CCSER1: variants seen among roughly 807,000 people sequenced by gnomAD.
CCSER1 encodes coiled-coil serine rich protein 1, also known as serine-rich coiled-coil domain-containing protein 1.
CCSER1 carries 41 observed loss-of-function variants against 82.0 expected under a neutral mutation model. The observed-to-expected ratio is 0.50, with a 90% CI of 0.39 to 0.65. CCSER1 has a LOEUF of 0.65. Ranked by LOEUF, CCSER1 falls within the 30% of genes least tolerant of loss-of-function variation. The pLI, the probability that CCSER1 is intolerant of heterozygous loss-of-function variation, is 0.00. For synonymous variants in CCSER1, 414 were observed against 383.9 expected (o/e 1.08, Z -0.92); for missense variants, 1,119 against 1,064.2 (o/e 1.05, Z -0.72).
chr4:90,666,471 T>G (rs1731804577), intron 6 of CCSER1, among the ~76,000 whole-genome samples: 1 of 152,126 alleles, frequency 6.6e-6, no homozygotes, highest in Admixed American at 6.5e-5. Flanking sequence ...CAAAAATGGT[T>G]GTGGTGAAGA....
chr4:90,445,320 G>C (rs1454488463), intron 4 of CCSER1, among the ~76,000 whole-genome samples: 1 of 152,064 alleles, frequency 6.6e-6, no homozygotes, highest in African/African-American at 2.4e-5. Context: ...TCGCTTCAAA[G>C]AGTGATACTT....
intron 10 of CCSER1, among the ~76,000 whole-genome samples, chr4:91,241,768 T>A (rs1265908356): frequency 6.6e-6 from 1 of 151,302 alleles, no homozygotes; most frequent in Non-Finnish European, 1.5e-5. Context: ...ATTTACATTT[T>A]GTAAAATAAG....
At chr4:90,879,559 G>GAAGA (rs1384981392) in intron 8 of CCSER1, among the ~76,000 whole-genome samples, 2 of 90,844 alleles carry the variant, frequency 2.2e-5, no homozygotes. Flanking sequence ...AGAAGAGGAA[G>GAAGA]AAGAAGAAGA....
chr4:90,922,433 G>C (rs1023855150), intron 8 of CCSER1, among the ~76,000 whole-genome samples: 1 of 151,960 alleles, frequency 6.6e-6, no homozygotes, highest in Non-Finnish European at 1.5e-5. Flanking sequence ...TTAAATCACA[G>C]TCCTTTATCG....
At chr4:90,188,325 G>A (rs1734995389) in intron 1 of CCSER1, among the ~76,000 whole-genome samples, 1 of 151,718 alleles carries the variant, frequency 6.6e-6, no homozygotes, top group African/African-American at 2.4e-5. Context: ...TATCTTCACT[G>A]TTTTATTATC....
At chr4:91,376,712 G>T (rs1750438807) in intron 10 of CCSER1, among the ~76,000 whole-genome samples, 3 of 152,116 alleles carry the variant, frequency 2.0e-5, no homozygotes, top group Non-Finnish European at 4.4e-5. Flanking sequence ...TTGATGTTGT[G>T]AAGAAAAAGG....
intron 10 of CCSER1, among the ~76,000 whole-genome samples, chr4:91,146,356 G>T (rs1729536224): frequency 6.6e-6 from 1 of 152,034 alleles, no homozygotes; most frequent in Non-Finnish European, 1.5e-5. Flanking sequence ...TCAGCGTTTG[G>T]ATTTCAACAT....
chr4:90,599,865 T>C (rs978250896), intron 5 of CCSER1, among the ~76,000 whole-genome samples: 1 of 152,208 alleles, frequency 6.6e-6, no homozygotes, highest in African/African-American at 2.4e-5. Flanking sequence ...CCTTTGTAAA[T>C]CTTCTTTCAT....
At chr4:91,150,383 G>T (rs775681627) in intron 10 of CCSER1, among the ~76,000 whole-genome samples, 7 of 152,046 alleles carry the variant, frequency 4.6e-5, no homozygotes, top group Non-Finnish European at 8.8e-5. Flanking sequence ...CTTTGGGCTG[G>T]GATGATGGGG....
chr4:90,963,876 G>A (rs1734283416), intron 9 of CCSER1, among the ~76,000 whole-genome samples: 1 of 152,090 alleles, frequency 6.6e-6, no homozygotes, highest in Admixed American at 6.5e-5. Flanking sequence ...ATTTAATAGG[G>A]CTTCAAGAAG....
chr4:90,129,609 G>GA (rs1489813663), intron 1 of CCSER1, among the ~76,000 whole-genome samples: 2 of 152,096 alleles, frequency 1.3e-5, no homozygotes, highest in African/African-American at 4.8e-5. Flanking sequence ...GTTTCACAGA[G>GA]AAAAAAGAGA....
At chr4:91,015,123 A>G (rs1042019488) in intron 9 of CCSER1, among the ~76,000 whole-genome samples, 1 of 152,106 alleles carries the variant, frequency 6.6e-6, no homozygotes, top group Non-Finnish European at 1.5e-5. Context: ...TAGTCTGTGA[A>G]ATACTTCATC....
chr4:90,344,273 T>C lies in CCSER1; in HGVS notation c.1509+31226T>C, dbSNP rs551556498. 1.4e-4 allele frequency among the ~76,000 whole-genome samples: 22 copies of C among 152,338 alleles called. No homozygotes were observed. In the South Asian group the frequency reaches 4.6e-3, roughly 32 times the overall value. On this transcript the variant is annotated intron_variant, in intron 3 of 10. Transcript: ENST00000509176. The stretch of plus-strand genomic sequence containing the variant: ...TCATTGTGTATGTGTACCACATTCA[T>C]TTATTTTTCTGCCTAAATATTCTTG...
intron 10 of CCSER1, among the ~76,000 whole-genome samples, chr4:91,251,267 A>G (rs1018638889): frequency 6.6e-6 from 1 of 152,152 alleles, no homozygotes; most frequent in Non-Finnish European, 1.5e-5. Flanking sequence ...GTTGATTGCC[A>G]CTTTCTTGCT....
intron 9 of CCSER1, among the ~76,000 whole-genome samples, chr4:90,955,660 C>T (rs1733359663): frequency 6.6e-6 from 1 of 152,106 alleles, no homozygotes. Context: ...TTTATATTAT[C>T]TGACTCCTGA....
chr4:91,210,224 T>G (rs1736698641), intron 10 of CCSER1, among the ~76,000 whole-genome samples: 1 of 151,070 alleles, frequency 6.6e-6, no homozygotes, highest in Admixed American at 6.6e-5. Flanking sequence ...TTCAATGGGT[T>G]ATAGTGTTAT....
chr4:90,250,115 T>C lies in CCSER1; in HGVS notation c.-41-58129T>C, dbSNP rs183991919. On this transcript the variant is annotated intron_variant, in intron 1 of 10. Coordinates refer to ENST00000509176, the MANE Select transcript of CCSER1 (RefSeq NM_001145065.2). ...GTTGTATTTTTGAGTTGAGAGGTCCTTAAAATATTATAGATAATTTGTTAT... is the reference window on the plus strand; with the variant it reads ...GTTGTATTTTTGAGTTGAGAGGTCCCTAAAATATTATAGATAATTTGTTAT... Among the ~76,000 whole-genome samples the C allele has an allele frequency of 4.4e-4, 67 of 152,242 alleles. No individual in the cohort carries two copies. The East Asian group carries it at 0.013, about 29-fold the overall frequency.
At chr4:91,373,227 T>C (rs1000185237) in intron 10 of CCSER1, among the ~76,000 whole-genome samples, 1 of 152,140 alleles carries the variant, frequency 6.6e-6, no homozygotes, top group Non-Finnish European at 1.5e-5. Flanking sequence ...TTACAGATGA[T>C]ACAGGATATG....
intron 10 of CCSER1, among the ~76,000 whole-genome samples, chr4:91,254,184 A>G (rs1329663673): frequency 6.6e-6 from 1 of 152,236 alleles, no homozygotes; most frequent in Admixed American, 6.5e-5. Flanking sequence ...GGGAAATGTT[A>G]GAATCAACAC....
Sources: allele counts gnomAD v4.1 joint callset (sites outside exome capture counted in the v4.1 genomes callset), GRCh38; gene constraint gnomAD v4.1.1; transcripts MANE v1.5; gene names NCBI Gene and HGNC (gene_info 2026-07-23, HGNC 2026-07-21).